MOB1B: variants seen among roughly 807,000 people sequenced by gnomAD.
The protein encoded by MOB1B is MOB1 Mps One Binder homolog B.
Under a neutral mutation model 24.4 loss-of-function variants are expected in MOB1B, and 19 were observed. The observed-to-expected ratio is 0.78, with a 90% CI of 0.54 to 1.14. The LOEUF (loss-of-function observed/expected upper bound fraction) is 1.14. Ranked by LOEUF, MOB1B falls within the 50% of genes most tolerant of loss-of-function variation. The pLI is 0.00. For synonymous variants in MOB1B, 76 were observed against 82.1 expected, an observed-to-expected ratio of 0.93 and a Z score of 0.40; for missense variants, 243 against 259.6, an observed-to-expected ratio of 0.94 and a Z score of 0.44.
Position 70,961,360 on chromosome 4 carries a change from G to A in MOB1B, c.181+2320G>A, listed in dbSNP as rs565931083. Among the ~76,000 whole-genome samples, 50 of 152,162 alleles carry A rather than the reference G, an allele frequency of 3.3e-4. 1 individual carries two copies. The highest frequency in any genetic ancestry group is 6.2e-4 in the Non-Finnish European group (42 of 68,028). On this transcript the variant is annotated intron_variant, in intron 2 of 5. Coordinates refer to ENST00000309395, the MANE Select transcript of MOB1B (RefSeq NM_173468.4). ...CAGAGGGATGATTCACATCCCAAGC[G>A]GACGGAGTGAGATGGTGTGAGATGC... is the stretch of plus-strand genomic sequence containing the variant.
chr4:70,976,250 A>G (rs1442670820), intron 4 of MOB1B: 2 of 984,202 alleles, frequency 2.0e-6, no homozygotes, highest in Non-Finnish European at 2.4e-6. Flanking sequence ...AACAGAATGG[A>G]TATTGAGTAG....
chr4:70,957,982 A>G (rs769623730), intron 1 of MOB1B, among the ~76,000 whole-genome samples: 14 of 151,832 alleles, frequency 9.2e-5, no homozygotes, highest in Non-Finnish European at 1.5e-4. Context: ...GTGTATATAT[A>G]CACATACACA....
chr4:70,961,560 C>T (rs534337645), intron 2 of MOB1B, among the ~76,000 whole-genome samples: 57 of 152,312 alleles, frequency 3.7e-4, no homozygotes, highest in African/African-American at 1.3e-3. Flanking sequence ...ACGCCTAGAA[C>T]TTTGAGAACT....
intron 5 of MOB1B, among the ~76,000 whole-genome samples, chr4:70,980,559 AG>A (rs996310485): frequency 3.8e-4 from 58 of 152,232 alleles, no homozygotes; most frequent in African/African-American, 1.3e-3. Flanking sequence ...TGATTAAGTA[AG>A]GGGGGCACCT....
chr4:70,910,178 C>T (rs1012741056), intron 1 of MOB1B, among the ~76,000 whole-genome samples: 1 of 151,018 alleles, frequency 6.6e-6, no homozygotes, highest in Non-Finnish European at 1.5e-5. Context: ...GTAGCTGGGA[C>T]TACAGGCGTG....
At chr4:70,957,682 A>G (rs946716472) in intron 1 of MOB1B, among the ~76,000 whole-genome samples, 6 of 151,510 alleles carry the variant, frequency 4.0e-5, no homozygotes, top group Admixed American at 6.6e-5. Context: ...GCCTGATGCA[A>G]TCCTCCTGCC....
intron 1 of MOB1B, among the ~76,000 whole-genome samples, chr4:70,930,876 A>G (rs577913319): frequency 6.6e-6 from 1 of 152,224 alleles, no homozygotes; most frequent in African/African-American, 2.4e-5. Context: ...GGAGCATTGC[A>G]ACGTCTCAAA....
At chr4:70,971,762 A>G (rs13116869) in intron 3 of MOB1B, among the ~76,000 whole-genome samples, 3,678 of 152,290 alleles carry the variant, frequency 0.024, 71 homozygotes, top group South Asian at 0.038. Context: ...GAGAAATTAA[A>G]TAGCACTGCC....
chr4:70,935,553 G>C (rs954655720), intron 1 of MOB1B, among the ~76,000 whole-genome samples: 1 of 152,142 alleles, frequency 6.6e-6, no homozygotes, highest in Admixed American at 6.5e-5. Context: ...AGGACTTCCC[G>C]ACACTGCTTA....
In MOB1B at chr4:70,969,973, TCA is replaced by T. The variant is rs750371023; in HGVS notation, c.227_228del (p.Thr76ArgfsTer18). ...CAGATCAACATGCTTTATGGAACTA[TCA>T]CAGACTTCTGTACAGAAGAGAGTTG... On this transcript the variant is annotated frameshift_variant, in exon 3 of 6. Transcript: ENST00000309395. LOFTEE classifies it high-confidence loss of function. The T allele has an allele frequency of 6.2e-7, 1 of 1,607,774 alleles. No individual in the cohort carries two copies. The highest frequency in any genetic ancestry group is 8.5e-7 in the Non-Finnish European group (1 of 1,176,642).
At chr4:70,919,040 C>T (rs1011252526) in intron 1 of MOB1B, among the ~76,000 whole-genome samples, 2 of 151,756 alleles carry the variant, frequency 1.3e-5, no homozygotes, top group African/African-American at 4.8e-5. Flanking sequence ...TCATCATTCT[C>T]AGTAAACTAT....
At chr4:70,914,516 G>C (rs1227645677) in intron 1 of MOB1B, among the ~76,000 whole-genome samples, 3 of 152,178 alleles carry the variant, frequency 2.0e-5, no homozygotes, top group Admixed American at 6.5e-5. Context: ...TCTAGGTGTA[G>C]GTATGCTGAT....
At chr4:70,961,439 T>A (rs1264021096) in intron 2 of MOB1B, among the ~76,000 whole-genome samples, 1 of 152,196 alleles carries the variant, frequency 6.6e-6, no homozygotes, top group African/African-American at 2.4e-5. Flanking sequence ...ACTTATATAT[T>A]GTTTATTTCT....
intron 1 of MOB1B, among the ~76,000 whole-genome samples, chr4:70,929,182 CTTTTTTT>C (rs11362114): frequency 3.2e-5 from 3 of 95,134 alleles, no homozygotes; most frequent in Admixed American, 1.2e-4. Context: ...TTCTTTCTTT[CTTTTTTT>C]TTTTTTTTTT....
chr4:70,924,048 A>G (rs779612539), intron 1 of MOB1B, among the ~76,000 whole-genome samples: 1 of 151,982 alleles, frequency 6.6e-6, no homozygotes, highest in Admixed American at 6.6e-5. Flanking sequence ...AGTAGAAACA[A>G]TGGGGGAAAG....
At position 70,970,488 on chromosome 4, in the gene MOB1B, A is replaced by G. The variant is rs1306425236; in HGVS notation, c.275+464A>G. Among the ~76,000 whole-genome samples the G allele has an allele frequency of 2.0e-5, 3 of 152,058 alleles. No individual in the cohort carries two copies. In the East Asian group the frequency reaches 5.8e-4, roughly 29 times the overall value. On this transcript the variant is annotated intron_variant, in intron 3 of 5. Transcript: ENST00000309395. ...GTTTGTTATATTTCTTACACTATTC[A>G]TATATGTTTTATTTAACCTGTTGGA... is the stretch of plus-strand genomic sequence containing the variant.
chr4:70,969,919 C>G lies in MOB1B; in HGVS notation c.182-12C>G, dbSNP rs763982623. 2 of 1,499,286 alleles carry G rather than the reference C, an allele frequency of 1.3e-6. No individual in the cohort carries two copies. The highest frequency in any genetic ancestry group is 2.4e-5 in the South Asian group (2 of 83,342). 92.9% of individuals were successfully genotyped at this position (1,499,286 alleles called of 1,614,324 possible). ...CATTCTGTTTTACTTACAACTGATA[C>G]TTGCTTTACAGCTGTGGATTTCTTC... On this transcript the variant is annotated splice_polypyrimidine_tract_variant and intron_variant, in intron 2 of 5. Coordinates refer to ENST00000309395, the MANE Select transcript of MOB1B (RefSeq NM_173468.4).
At chr4:70,935,142 A>G (rs1737031155) in intron 1 of MOB1B, among the ~76,000 whole-genome samples, 1 of 152,102 alleles carries the variant, frequency 6.6e-6, no homozygotes, top group Admixed American at 6.6e-5. Context: ...TTGCCCAGAT[A>G]TAAGGAGTTT....
intron 1 of MOB1B, among the ~76,000 whole-genome samples, chr4:70,908,545 C>T (rs760862893): frequency 2.6e-5 from 4 of 150,990 alleles, no homozygotes; most frequent in South Asian, 2.1e-4. Context: ...GAGGCTGAGG[C>T]GGGTGGATCA....
Sources: allele counts gnomAD v4.1 joint callset (sites outside exome capture counted in the v4.1 genomes callset), GRCh38; gene constraint gnomAD v4.1.1; transcripts MANE v1.5; gene names NCBI Gene and HGNC (gene_info 2026-07-23, HGNC 2026-07-21).